The following RBM38 variants were observed in gnomAD, a reference collection of about 807,000 sequenced individuals.
RBM38 encodes RNA-binding protein 38.
Under a neutral mutation model 23.5 loss-of-function variants are expected in RBM38, and 11 were observed. The observed-to-expected ratio is 0.47, with a 90% CI of 0.29 to 0.77. The LOEUF is 0.77. RBM38 is among the 30% of genes least tolerant of loss of function. The pLI, the probability that RBM38 is intolerant of heterozygous loss-of-function variation, is 0.08. For missense variants in RBM38, 330 were observed against 351.9 expected (o/e 0.94, Z 0.50); for synonymous variants, 165 against 166.1 (o/e 0.99, Z 0.05).
chr20:57,391,773 G>T lies in RBM38; in HGVS notation c.192G>T (p.Val64=), dbSNP rs2066901972. 1.9e-6 allele frequency: 3 copies of T among 1,572,420 alleles called. No individual in the cohort carries two copies. Among genetic ancestry groups the T allele is most frequent in the Non-Finnish European group, 2.6e-6 (3 of 1,159,190 alleles). ...GCTTCGGCGACATCGAGGAGGCCGT[G>T]GTCATCACCGACCGCCAGACGGGCA... ...FEGFGDIEEA[V]VITDRQTGKS... Residue 64 remains valine (V), a synonymous_variant, in exon 1 of 4, where the codon GTG becomes GTT. Coordinates refer to ENST00000356208, the MANE Select transcript of RBM38 (RefSeq NM_017495.6).
At chr20:57,398,050 C>T (rs1292845818) in intron 3 of RBM38, among the ~76,000 whole-genome samples, 1 of 152,180 alleles carries the variant, frequency 6.6e-6, no homozygotes, top group Non-Finnish European at 1.5e-5. Context: ...TGAAGGCCTG[C>T]AGTCCAGGTC....
At position 57,391,575 on chromosome 20, in the gene RBM38, GC is replaced by G. The variant is rs1235931740; in HGVS notation, c.-1del. ...GGCCCGGGTCCGTAGGCGGCGGGGCGCCCCCCATGCTGCTGCAGCCCGCGCC... is the reference window on the plus strand; with the variant it reads ...GGCCCGGGTCCGTAGGCGGCGGGGCGCCCCCATGCTGCTGCAGCCCGCGCC... On this transcript the variant is annotated 5_prime_UTR_variant, in exon 1 of 4. Transcript: ENST00000356208. The G allele has an allele frequency of 8.7e-6, 10 of 1,147,894 alleles. No homozygotes were observed. Among genetic ancestry groups the G allele is most frequent in the East Asian group, 4.2e-5 (1 of 23,566 alleles). 71.1% of individuals were successfully genotyped at this position (1,147,894 alleles called of 1,614,324 possible). A position where few individuals can be genotyped will look rare whatever the true frequency, so the allele number is the denominator to read the frequency against.
At chr20:57,392,303 C>T (rs1034955517) in intron 1 of RBM38, 7 of 744,616 alleles carry the variant, frequency 9.4e-6, no homozygotes, top group African/African-American at 3.6e-5. Context: ...GTCGCAAACT[C>T]CTTCTCAGAG....
intron 1 of RBM38, 25 bp from the exon 2 acceptor site, chr20:57,392,629 C>T (rs2067232029): frequency 6.2e-7 from 1 of 1,604,466 alleles, no homozygotes; most frequent in Non-Finnish European, 8.5e-7. Context: ...CCACGGCAGC[C>T]CCTGATGTGT....
At position 57,391,706 on chromosome 20, in the gene RBM38, CG is replaced by C; in HGVS notation, c.126del (p.Tyr43ThrfsTer38). 6.5e-7 allele frequency: 1 copy of C among 1,527,332 alleles called. No individual in the cohort carries two copies. Among genetic ancestry groups the C allele is most frequent in the Non-Finnish European group, 8.8e-7 (1 of 1,135,528 alleles). 94.6% of individuals were successfully genotyped at this position (1,527,332 alleles called of 1,614,324 possible). A position where few individuals can be genotyped will look rare whatever the true frequency, so the allele number is the denominator to read the frequency against. On this transcript the variant is annotated frameshift_variant, in exon 1 of 4. Transcript: ENST00000356208. LOFTEE classifies it high-confidence loss of function. ...ACCAAGATCTTCGTGGGCGGCCTGC[CG>C]TACCACACTACCGACGCCTCGCTCA... ...TFTKIFVGGL[P>X]YHTTDASLRK...
At position 57,407,619 on chromosome 20, in the gene RBM38, C is replaced by T. The variant is rs1399354637; in HGVS notation, c.493C>T (p.Leu165=). The T allele has an allele frequency of 1.9e-6, 3 of 1,613,764 alleles. No homozygotes were observed. The highest frequency in any genetic ancestry group is 2.5e-6 in the Non-Finnish European group (3 of 1,179,868). The change falls in exon 4 of 4, where the codon CTG becomes TTG. Residue 165 remains leucine, a synonymous_variant. Coordinates refer to ENST00000356208, the MANE Select transcript of RBM38 (RefSeq NM_017495.6). This position sits in a 1 kb window ranked among gnomAD's most constrained non-coding sequence, Gnocchi z 4.0. ...VVIPAAPVPS[L]SSPYIEYTPA... is the part of the protein sequence containing the mutation. Reference sequence around the variant, plus strand: ...GATCCCAGCCGCCCCTGTCCCGTCGCTGTCCTCGCCCTACATTGAGTACAC... The same window carrying T: ...GATCCCAGCCGCCCCTGTCCCGTCGTTGTCCTCGCCCTACATTGAGTACAC...
intron 2 of RBM38, 161 bp from the exon 3 acceptor site, chr20:57,393,118 T>C (rs1318743864): frequency 4.1e-6 from 3 of 731,896 alleles, no homozygotes; most frequent in Non-Finnish European, 7.1e-6. Context: ...TTCAGCGGTG[T>C]GCCTTGGGGT....
intron 2 of RBM38, 89 bp downstream of exon 2, chr20:57,392,866 G>A: frequency 1.3e-6 from 2 of 1,524,598 alleles, no homozygotes; most frequent in Middle Eastern, 1.8e-4. Context: ...CCCCCTCCTC[G>A]CCCCAGCAGT....
chr20:57,392,687 G>T lies in RBM38; in HGVS notation c.271G>T (p.Ala91Ser). The change falls in exon 2 of 4, where the codon GCT (alanine) becomes TCT (serine). Residue 91 changes from alanine to serine, a missense_variant. Ala to Ser is a moderately conservative substitution (Grantham distance 99). Around this residue, in one of 3 missense-constraint regions of RBM38, gnomAD observed 227 missense variants for 216.4 expected, o/e 1.05. Coordinates refer to ENST00000356208, the MANE Select transcript of RBM38 (RefSeq NM_017495.6). Reference protein sequence around the residue: ...TMADRAAAERACKDPNPIIDG... With the variant: ...TMADRAAAERSCKDPNPIIDG... ...GGCCGACCGGGCGGCAGCTGAGAGG[G>T]CTTGCAAAGACCCGAACCCCATCAT... 6.2e-7 allele frequency: 1 copy of T among 1,612,800 alleles called. No individual in the cohort carries two copies. Among genetic ancestry groups the T allele is most frequent in the Non-Finnish European group, 8.5e-7 (1 of 1,179,842 alleles).
intron 2 of RBM38, 55 bp from the exon 3 acceptor site, chr20:57,393,224 C>T (rs1600743270): frequency 6.4e-7 from 1 of 1,559,438 alleles, no homozygotes; most frequent in Non-Finnish European, 8.8e-7. Flanking sequence ...GTGTGCAGCC[C>T]TTGAGACGTG....
At chr20:57,405,822 G>T (rs984715236) in intron 3 of RBM38, among the ~76,000 whole-genome samples, 1 of 151,336 alleles carries the variant, frequency 6.6e-6, no homozygotes, top group Non-Finnish European at 1.5e-5. Context: ...AGCTCGCAGG[G>T]CTCCTCTCTG....
At chr20:57,400,843 A>G (rs930539372) in intron 3 of RBM38, among the ~76,000 whole-genome samples, 1 of 151,966 alleles carries the variant, frequency 6.6e-6, no homozygotes, top group African/African-American at 2.4e-5. Flanking sequence ...TTGGAAGGAA[A>G]CTGGAAGGGA....
At position 57,395,762 on chromosome 20, in the gene RBM38, T is replaced by C. The variant is rs367955463; in HGVS notation, c.416+2429T>C. 9.7e-3 allele frequency among the ~76,000 whole-genome samples: 1,378 copies of C among 141,828 alleles called. 17 individuals are homozygous for C. The highest frequency in any genetic ancestry group is 0.04 in the African/African-American group (1,303 of 32,768). The allele number at this position is 141,828 out of a possible 152,430, so 93.0% of individuals were successfully genotyped here. On this transcript the variant is annotated intron_variant, in intron 3 of 3. Coordinates refer to ENST00000356208, the MANE Select transcript of RBM38 (RefSeq NM_017495.6). ...CCCAGCCCCCGCCCGCTGACGGAGC[T>C]GGAGAGCTGGGCCGGAGCTGGAGAG...
intron 1 of RBM38, chr20:57,392,429 C>T: frequency 2.0e-6 from 3 of 1,529,528 alleles, no homozygotes; most frequent in South Asian, 2.4e-5. Context: ...GCCACATTTC[C>T]CAGGCCTTGA....
rs376661100 is a variant in RBM38 at position 57,403,041 on chromosome 20, G to C, written c.417-4502G>C. Among the ~76,000 whole-genome samples, 16 of 152,298 alleles carry C rather than the reference G, an allele frequency of 1.1e-4. No individual in the cohort carries two copies. The South Asian group carries it at 1.2e-3, about 12-fold the overall frequency. ...GGCACCCTGAGCATTGTAGGAAGCG[G>C]TCAGCACCCCTGGCCTCGACCCCTA... On this transcript the variant is annotated intron_variant, in intron 3 of 3. Coordinates refer to ENST00000356208, the MANE Select transcript of RBM38 (RefSeq NM_017495.6).
chr20:57,397,761 G>A (rs1381520760), intron 3 of RBM38, among the ~76,000 whole-genome samples: 4 of 152,244 alleles, frequency 2.6e-5, no homozygotes, highest in Non-Finnish European at 4.4e-5. Flanking sequence ...AGTGCTTGCT[G>A]TATGCCAGAC....
At chr20:57,395,476 T>C (rs2067264463) in intron 3 of RBM38, among the ~76,000 whole-genome samples, 1 of 152,146 alleles carries the variant, frequency 6.6e-6, no homozygotes. Flanking sequence ...TGTAACTAAA[T>C]CTGCTGGCTG....
chr20:57,408,126 T>G lies in RBM38; in HGVS notation c.*280T>G. 1 of 510,262 alleles carries G rather than the reference T, an allele frequency of 2.0e-6. No homozygotes were observed. The highest frequency in any genetic ancestry group is 2.1e-5 in the South Asian group (1 of 47,458). 31.6% of individuals were successfully genotyped at this position (510,262 alleles called of 1,614,324 possible). On this transcript the variant is annotated 3_prime_UTR_variant, in exon 4 of 4. Coordinates refer to ENST00000356208, the MANE Select transcript of RBM38 (RefSeq NM_017495.6). ...GTTCCTTGCACACCATGGCAGCCTC[T>G]CCTTGCACCTTCTCCTGCCTCTCCA...
chr20:57,395,276 C>T (rs981328215), intron 3 of RBM38, among the ~76,000 whole-genome samples: 6 of 150,862 alleles, frequency 4.0e-5, no homozygotes, highest in African/African-American at 1.5e-4. Flanking sequence ...AATAGACGTC[C>T]GGGAGGAGAT....
Sources: allele counts gnomAD v4.1 joint callset (sites outside exome capture counted in the v4.1 genomes callset), GRCh38; gene constraint gnomAD v4.1.1; regional missense constraint gnomAD v4.1.1; non-coding constraint Gnocchi (gnomAD v3.1); transcripts MANE v1.5; gene names NCBI Gene and HGNC (gene_info 2026-07-23, HGNC 2026-07-21).